MCOLN2: variants seen among roughly 807,000 people sequenced by gnomAD.
The protein encoded by MCOLN2 is mucolipin-2.
Under a neutral mutation model 67.5 loss-of-function variants are expected in MCOLN2, and 57 were observed. That is an observed-to-expected ratio of 0.84 (90% CI 0.68 to 1.05). The LOEUF (loss-of-function observed/expected upper bound fraction) is 1.05. Ranked by LOEUF, MCOLN2 falls within the 50% of genes least tolerant of loss-of-function variation. The pLI is 0.00. For synonymous variants in MCOLN2, 246 were observed against 233.3 expected (o/e 1.05, Z -0.50); for missense variants, 620 against 678.8 (o/e 0.91, Z 0.96).
chr1:84,956,642 G>A (rs1648810077), intron 3 of MCOLN2, 58 bp from the exon 4 acceptor site: 3 of 1,407,800 alleles, frequency 2.1e-6, no homozygotes, highest in Non-Finnish European at 1.9e-6. Flanking sequence ...TTGATCAGAG[G>A]TTATAGCATA....
intron 8 of MCOLN2, among the ~76,000 whole-genome samples, chr1:84,940,240 G>A (rs1399663226): frequency 6.6e-6 from 1 of 152,208 alleles, no homozygotes; most frequent in Non-Finnish European, 1.5e-5. Flanking sequence ...ACAAAGGTCA[G>A]GATTAGGCAA....
intron 1 of MCOLN2, among the ~76,000 whole-genome samples, chr1:84,975,412 AT>A: frequency 6.6e-6 from 1 of 152,332 alleles, no homozygotes; most frequent in East Asian, 1.9e-4. Flanking sequence ...AATCCAAAGA[AT>A]TCTTCTAGAT....
At chr1:84,938,239 T>C (rs190899822) in intron 9 of MCOLN2, among the ~76,000 whole-genome samples, 157 bp from the exon 10 acceptor site, 3 of 152,196 alleles carry the variant, frequency 2.0e-5, no homozygotes, top group Admixed American at 2.0e-4. Context: ...GAAAAACAGA[T>C]ATAATTCCAA....
intron 11 of MCOLN2, among the ~76,000 whole-genome samples, chr1:84,933,596 AG>A (rs1441464854): frequency 1.3e-5 from 2 of 152,232 alleles, no homozygotes; most frequent in Non-Finnish European, 2.9e-5. Context: ...TTGACATTAA[AG>A]TTGGTTTCTA....
At chr1:84,943,659 C>T (rs1001016092) in intron 7 of MCOLN2, among the ~76,000 whole-genome samples, 24 of 152,184 alleles carry the variant, frequency 1.6e-4, no homozygotes, top group African/African-American at 5.6e-4. Context: ...GCAGCTCCTA[C>T]AATGGGTGGC....
chr1:84,940,043 C>T (rs747143187), intron 8 of MCOLN2, among the ~76,000 whole-genome samples: 2 of 152,108 alleles, frequency 1.3e-5, no homozygotes, highest in Non-Finnish European at 2.9e-5. Context: ...AGGTCTATCA[C>T]CCAGAGAAGG....
At chr1:84,965,810 T>C in intron 1 of MCOLN2, 102 bp from the exon 2 acceptor site, 1 of 986,888 alleles carries the variant, frequency 1.0e-6, no homozygotes, top group Non-Finnish European at 1.5e-6. Flanking sequence ...ATATGGCATG[T>C]CATATACTGA....
At chr1:84,993,308 C>T (rs1025039070) in intron 1 of MCOLN2, among the ~76,000 whole-genome samples, 3 of 152,178 alleles carry the variant, frequency 2.0e-5, no homozygotes, top group African/African-American at 4.8e-5. Flanking sequence ...GTTAGCAGAT[C>T]GCTGCAAAAG....
At chr1:84,983,974 C>T (rs1650386477) in intron 1 of MCOLN2, among the ~76,000 whole-genome samples, 2 of 152,092 alleles carry the variant, frequency 1.3e-5, no homozygotes, top group South Asian at 2.1e-4. Flanking sequence ...GCGCCCAGCC[C>T]TACTTTAAAA....
chr1:84,974,014 C>G (rs1219834393), intron 1 of MCOLN2, among the ~76,000 whole-genome samples: 1 of 152,188 alleles, frequency 6.6e-6, no homozygotes, highest in Non-Finnish European at 1.5e-5. Context: ...AATTGTGAGG[C>G]AGTAAACGGT....
At chr1:84,949,771 T>C (rs1648316397) in intron 6 of MCOLN2, among the ~76,000 whole-genome samples, 2 of 151,942 alleles carry the variant, frequency 1.3e-5, no homozygotes, top group Admixed American at 6.6e-5. Flanking sequence ...AGATGATATA[T>C]TCAAAGGGTT....
At chr1:84,986,261 C>T (rs778166419) in intron 1 of MCOLN2, among the ~76,000 whole-genome samples, 2 of 152,144 alleles carry the variant, frequency 1.3e-5, no homozygotes, top group Non-Finnish European at 2.9e-5. Flanking sequence ...TAAAACTGGG[C>T]CGGGCGTGGT....
chr1:84,951,572 T>C (rs1648469506), intron 6 of MCOLN2, among the ~76,000 whole-genome samples: 1 of 152,208 alleles, frequency 6.6e-6, no homozygotes, highest in South Asian at 2.1e-4. Context: ...ATATTTGCTA[T>C]AACATTTGCA....
At chr1:84,955,364 G>A (rs567857912) in intron 4 of MCOLN2, among the ~76,000 whole-genome samples, 9 of 152,190 alleles carry the variant, frequency 5.9e-5, no homozygotes, top group South Asian at 2.1e-4. Flanking sequence ...TTCACGGTGC[G>A]AAACATGTTT....
At position 84,958,649 on chromosome 1, in the gene MCOLN2, G is replaced by A. The variant is rs997948556; in HGVS notation, c.291C>T (p.Asn97=). 6.2e-7 allele frequency: 1 copy of A among 1,602,412 alleles called. No homozygotes were observed. Among genetic ancestry groups the A allele is most frequent in the African/African-American group, 1.3e-5 (1 of 74,498 alleles). ...NQLVVAFKED[N]TVAFKHLFLK... Reference sequence around the variant, plus strand: ...AAAACAAGTGCTTAAAAGCAACAGTGTTATCTTCTTTGAAAGCAACCACCA... The same window carrying A: ...AAAACAAGTGCTTAAAAGCAACAGTATTATCTTCTTTGAAAGCAACCACCA... The change falls in exon 3 of 14, where the codon AAC becomes AAT. Residue 97 remains asparagine (N), a synonymous_variant. Transcript: ENST00000370608.
intron 13 of MCOLN2, among the ~76,000 whole-genome samples, chr1:84,927,163 C>A (rs1347598161): frequency 3.3e-5 from 5 of 151,128 alleles, no homozygotes; most frequent in Admixed American, 3.3e-4. Flanking sequence ...CCTATGTAAC[C>A]TGCACGTTCA....
At chr1:84,986,089 A>G (rs1229216852) in intron 1 of MCOLN2, among the ~76,000 whole-genome samples, 1 of 152,206 alleles carries the variant, frequency 6.6e-6, no homozygotes, top group Non-Finnish European at 1.5e-5. Context: ...TGATATAAAA[A>G]CAGGCATACA....
In MCOLN2 at chr1:84,997,036, G is replaced by A; in HGVS notation, c.-164C>T. On this transcript the variant is annotated 5_prime_UTR_variant, in exon 1 of 14. Transcript: ENST00000370608. ...TTCTGCCGGCCGCGTGGTGCGCGCAGACCCCGGCCCGAGAGCAGGCGCCGC... is the reference window on the plus strand; with the variant it reads ...TTCTGCCGGCCGCGTGGTGCGCGCAAACCCCGGCCCGAGAGCAGGCGCCGC... 1.6e-6 allele frequency: 1 copy of A among 635,670 alleles called. No homozygotes were observed. The highest frequency in any genetic ancestry group is 2.7e-6 in the Non-Finnish European group (1 of 366,866). 39.4% of individuals were successfully genotyped at this position (635,670 alleles called of 1,614,324 possible).
intron 1 of MCOLN2, among the ~76,000 whole-genome samples, chr1:84,982,053 T>C (rs1269029392): frequency 6.8e-6 from 1 of 147,878 alleles, no homozygotes; most frequent in Admixed American, 6.8e-5. Context: ...GAGCTAACAC[T>C]CTAAATGTTG....
Sources: allele counts gnomAD v4.1 joint callset (sites outside exome capture counted in the v4.1 genomes callset), GRCh38; gene constraint gnomAD v4.1.1; transcripts MANE v1.5; gene names NCBI Gene and HGNC (gene_info 2026-07-23, HGNC 2026-07-21).